Variants in MPND observed in about 807,000 individuals in gnomAD.
MPND encodes the protein MPN domain-containing protein.
A neutral mutation model predicts 59.2 loss-of-function variants in MPND; 56 were observed. That is an observed-to-expected ratio of 0.95 (90% CI 0.76 to 1.18). The LOEUF (loss-of-function observed/expected upper bound fraction) is 1.18. Among genes scored for constraint, MPND ranks in the 50% most tolerant of loss-of-function variants. MPND has a pLI of 0.00. For synonymous variants in MPND, 323 were observed against 291.9 expected (o/e 1.11, Z -1.09); for missense variants, 671 against 676.0 (o/e 0.99, Z 0.08).
At chr19:4,344,113 C>G (rs1972133139) in intron 2 of MPND, 119 bp downstream of exon 2, 1 of 749,876 alleles carries the variant, frequency 1.3e-6, no homozygotes, top group Non-Finnish European at 1.8e-6. Flanking sequence ...AGGCCCGGAG[C>G]TCCCTTGCTG....
chr19:4,355,491 A>C (rs2144834715), intron 8 of MPND, among the ~76,000 whole-genome samples: 1 of 152,180 alleles, frequency 6.6e-6, no homozygotes, highest in African/African-American at 2.4e-5. Context: ...GCCTGCCACC[A>C]CGCCCAGCTA....
intron 8 of MPND, 30 bp from the exon 9 acceptor site, chr19:4,357,223 G>C: frequency 6.4e-7 from 1 of 1,557,726 alleles, no homozygotes; most frequent in Non-Finnish European, 8.7e-7. Flanking sequence ...TCAGGCCCCT[G>C]TGCCCGCTGA....
intron 5 of MPND, 92 bp from the exon 6 acceptor site, chr19:4,354,232 T>G: frequency 6.7e-7 from 1 of 1,483,802 alleles, no homozygotes; most frequent in Middle Eastern, 1.8e-4. Context: ...GAGCCTCAGA[T>G]CCTCAGAGCT....
chr19:4,352,145 C>T (rs562719540), intron 3 of MPND, among the ~76,000 whole-genome samples: 1 of 151,484 alleles, frequency 6.6e-6, no homozygotes, highest in African/African-American at 2.4e-5. Flanking sequence ...TGCGCTCCAG[C>T]CTGGGTGACA....
intron 3 of MPND, among the ~76,000 whole-genome samples, chr19:4,346,689 T>C (rs1288270633): frequency 6.6e-6 from 1 of 151,704 alleles, no homozygotes; most frequent in East Asian, 2.0e-4. Context: ...AGTGTTGGGA[T>C]TGCGGGCGTG....
At chr19:4,356,101 G>A (rs984471121) in intron 8 of MPND, among the ~76,000 whole-genome samples, 2 of 128,596 alleles carry the variant, frequency 1.6e-5, no homozygotes, top group African/African-American at 5.9e-5. Context: ...ATCCACCCGC[G>A]TCAGCCTCCC....
chr19:4,358,100 T>C lies in MPND; in HGVS notation c.1254T>C (p.Tyr418=). The change falls in exon 11 of 13, where the codon TAT becomes TAC. Residue 418 remains tyrosine (Y), a synonymous_variant. Coordinates refer to ENST00000599840, the MANE Select transcript of MPND (RefSeq NM_001300862.2). The part of the protein sequence containing the change: ...MPPPEQRPSD[Y]GIPMDVEMAY... ...CCTGCCAGCAAAGGCCCAGTGACTATGGCATCCCCATGGATGTGGAGATGG... is the reference window on the plus strand; with the variant it reads ...CCTGCCAGCAAAGGCCCAGTGACTACGGCATCCCCATGGATGTGGAGATGG... 1.3e-6 allele frequency: 2 copies of C among 1,551,478 alleles called. No homozygotes were observed. Among genetic ancestry groups the C allele is most frequent in the Non-Finnish European group, 8.7e-7 (1 of 1,146,954 alleles).
Position 4,360,067 on chromosome 19 carries a change from A to G in MPND, c.*65A>G. Reference sequence around the variant, plus strand: ...CCGGATGGGCTCAGGTAATAAAGAAACGGAAGCAGCAGCCAGCCACGCTGG... The same window carrying G: ...CCGGATGGGCTCAGGTAATAAAGAAGCGGAAGCAGCAGCCAGCCACGCTGG... On this transcript the variant is annotated 3_prime_UTR_variant, in exon 13 of 13. Coordinates refer to ENST00000599840, the MANE Select transcript of MPND (RefSeq NM_001300862.2). 2 of 1,429,956 alleles carry G rather than the reference A, an allele frequency of 1.4e-6. No homozygotes were observed. Among genetic ancestry groups the G allele is most frequent in the South Asian group, 1.3e-5 (1 of 79,910 alleles). The allele number at this position is 1,429,956 out of a possible 1,614,324, so 88.6% of individuals were successfully genotyped here. A position where few individuals can be genotyped will look rare whatever the true frequency, so the allele number is the denominator to read the frequency against.
chr19:4,359,634 A>C (rs1599582034), intron 12 of MPND, among the ~76,000 whole-genome samples: 1 of 152,110 alleles, frequency 6.6e-6, no homozygotes, highest in African/African-American at 2.4e-5. Context: ...TGGTGTCCCC[A>C]TGGGTGTCTG....
Position 4,343,746 on chromosome 19 carries a change from G to C in MPND, c.46G>C (p.Glu16Gln). 8.3e-7 allele frequency: 1 copy of C among 1,208,494 alleles called. No individual in the cohort carries two copies. Among genetic ancestry groups the C allele is most frequent in the Non-Finnish European group, 1.0e-6 (1 of 972,384 alleles). 74.9% of individuals were successfully genotyped at this position (1,208,494 alleles called of 1,614,324 possible). A position where few individuals can be genotyped will look rare whatever the true frequency, so the allele number is the denominator to read the frequency against. ...GTCCCCGGCGGGCGGTGCGGGCGAG[G>C]AGGCGCCGGAGGAGGACGAGGACGA... is the stretch of plus-strand genomic sequence containing the variant. ...PLSPAGGAGE[E>Q]APEEDEDEAE... The change falls in exon 2 of 13, where the codon GAG becomes CAG. Residue 16 changes from glutamate to glutamine, a missense_variant. By Grantham distance (29) the Glu-to-Gln change is conservative. Transcript: ENST00000599840.
Position 4,357,761 on chromosome 19 carries a change from G to A in MPND, c.1236+176G>A, listed in dbSNP as rs888977388. The A allele has an allele frequency of 5.8e-5, 38 of 657,812 alleles. 1 individual carries two copies. The highest frequency in any genetic ancestry group is 8.8e-5 in the Admixed American group (3 of 34,190). 40.7% of individuals were successfully genotyped at this position (657,812 alleles called of 1,614,324 possible). A position where few individuals can be genotyped will look rare whatever the true frequency, so the allele number is the denominator to read the frequency against. On this transcript the variant is annotated intron_variant, in intron 10 of 12. Coordinates refer to ENST00000599840, the MANE Select transcript of MPND (RefSeq NM_001300862.2). ...CCCATATTTTGGTGAGGTCCTGGGCGTGGGGCCTCCGTTGTGTCATTGGCT... is the reference window on the plus strand; with the variant it reads ...CCCATATTTTGGTGAGGTCCTGGGCATGGGGCCTCCGTTGTGTCATTGGCT...
chr19:4,354,409 C>G lies in MPND; in HGVS notation c.835C>G (p.Leu279Val), dbSNP rs1265870310. Residue 279 changes from leucine (L) to valine (V), a missense_variant, in exon 6 of 13, where the codon CTG (leucine) becomes GTG (valine). Leu to Val is a conservative substitution (Grantham distance 32). Transcript: ENST00000599840. ...PFNVAVSSNVLFLLDFHSHLT... is the reference protein window; with the variant it reads ...PFNVAVSSNVVFLLDFHSHLT... ...CAACGTGGCTGTTTCTAGCAACGTG[C>G]TGTTCCTGCTGGTGTGTGGCCCACC... is the stretch of plus-strand genomic sequence containing the variant. 2 of 1,556,278 alleles carry G rather than the reference C, an allele frequency of 1.3e-6. No homozygotes were observed. The highest frequency in any genetic ancestry group is 1.7e-6 in the Non-Finnish European group (2 of 1,148,962).
intron 11 of MPND, chr19:4,358,496 C>T: frequency 3.2e-6 from 1 of 311,236 alleles, no homozygotes; most frequent in Non-Finnish European, 6.0e-6. Context: ...GCATTTAAAA[C>T]ACTAAACTAA....
chr19:4,351,340 G>A (rs1972311372), intron 3 of MPND, among the ~76,000 whole-genome samples: 1 of 152,056 alleles, frequency 6.6e-6, no homozygotes, highest in Admixed American at 6.5e-5. Context: ...CTGACCTCAA[G>A]TGGTCCACCG....
chr19:4,355,325 G>A (rs1022347475), intron 8 of MPND, 152 bp downstream of exon 8: 2 of 614,716 alleles, frequency 3.3e-6, no homozygotes. Context: ...GGTGAAGGGT[G>A]AAGAACACTG....
intron 5 of MPND, 63 bp from the exon 6 acceptor site, chr19:4,354,261 G>A (rs766197111): frequency 1.4e-4 from 212 of 1,510,392 alleles, no homozygotes; most frequent in Non-Finnish European, 1.8e-4. Flanking sequence ...GGGGGAGTCA[G>A]TGTGGGGGCG....
intron 2 of MPND, 45 bp downstream of exon 2, chr19:4,344,039 G>T: frequency 8.0e-7 from 1 of 1,251,126 alleles, no homozygotes. Flanking sequence ...CGGGCAGGAA[G>T]GGGAAACTGA....
At chr19:4,355,584 C>T (rs1972421126) in intron 8 of MPND, among the ~76,000 whole-genome samples, 1 of 152,152 alleles carries the variant, frequency 6.6e-6, no homozygotes, top group African/African-American at 2.4e-5. Context: ...ATCTGCCCGC[C>T]TCAGCCTCCC....
intron 3 of MPND, 26 bp downstream of exon 3, chr19:4,346,007 A>C: frequency 6.3e-7 from 1 of 1,590,956 alleles, no homozygotes; most frequent in African/African-American, 1.3e-5. Context: ...TCCTCCAGGA[A>C]GCCGCCCAGG....
Sources: allele counts gnomAD v4.1 joint callset (sites outside exome capture counted in the v4.1 genomes callset), GRCh38; gene constraint gnomAD v4.1.1; transcripts MANE v1.5; gene names NCBI Gene and HGNC (gene_info 2026-07-23, HGNC 2026-07-21).